SH3BP4: variants seen among roughly 807,000 people sequenced by gnomAD.
SH3BP4 encodes the protein SH3 domain-binding protein 4.
A neutral mutation model predicts 65.5 loss-of-function variants in SH3BP4; 33 were observed. The observed-to-expected ratio is 0.50, with a 90% confidence interval of 0.38 to 0.67. The LOEUF (loss-of-function observed/expected upper bound fraction) is 0.67. Among genes scored for constraint, SH3BP4 ranks in the 30% least tolerant of loss-of-function variants. The pLI is 0.00. For missense variants in SH3BP4, 1,134 were observed against 1,261.4 expected (o/e 0.90, Z 1.53); for synonymous variants, 552 against 545.5 (o/e 1.01, Z -0.17).
chr2:235,035,590 G>A lies in SH3BP4; in HGVS notation c.118+470G>A, dbSNP rs1341954294. Among the ~76,000 whole-genome samples the A allele has an allele frequency of 6.6e-6, 1 of 152,234 alleles. No homozygotes were observed. The highest frequency in any genetic ancestry group is 2.4e-5 in the African/African-American group (1 of 41,458). ...TTCATTGCTGCCTCGTTGCATGAAA[G>A]CATCCATGAAGTTAAGTCATTAAAT... On this transcript the variant is annotated intron_variant, in intron 3 of 5. Coordinates refer to ENST00000392011, the MANE Select transcript of SH3BP4 (RefSeq NM_014521.3). This position sits in a 1 kb window ranked among gnomAD's most constrained non-coding sequence, Gnocchi z 5.0.
intron 1 of SH3BP4, among the ~76,000 whole-genome samples, chr2:234,960,266 T>C (rs1215272022): frequency 1.3e-5 from 2 of 151,392 alleles, no homozygotes; most frequent in Non-Finnish European, 2.9e-5. Flanking sequence ...TGGTCTCACG[T>C]TTCCTTACCC....
At position 234,976,945 on chromosome 2, in the gene SH3BP4, GA is replaced by G. The variant is rs2106251902; in HGVS notation, c.-206-18357del. On this transcript the variant is annotated intron_variant, in intron 1 of 5. Coordinates refer to ENST00000392011, the MANE Select transcript of SH3BP4 (RefSeq NM_014521.3). This position sits in a 1 kb window ranked among gnomAD's most constrained non-coding sequence, Gnocchi z 4.7. ...AAGGACCTCAGGGACAAACATAGGAGACCCGGATGAAGGACAGGCTTTATTG... is the reference window on the plus strand; with the variant it reads ...AAGGACCTCAGGGACAAACATAGGAGCCCGGATGAAGGACAGGCTTTATTG... 6.6e-6 allele frequency among the ~76,000 whole-genome samples: 1 copy of G among 152,312 alleles called. No homozygotes were observed. The highest frequency in any genetic ancestry group is 6.5e-5 in the Admixed American group (1 of 15,304).
Position 235,041,369 on chromosome 2 carries a change from C to G in SH3BP4, c.600C>G (p.Ser200=), listed in dbSNP as rs752763197. 6.2e-6 allele frequency: 10 copies of G among 1,614,094 alleles called. No homozygotes were observed. The Admixed American group carries it at 1.5e-4, about 24-fold the overall frequency. ...TGCTCCTTTTTGACGCAGGTACATC[C>G]TCCTTCACCGAATCCAGCTCAGCCA... ...VDLLLFDAGT[S]SFTESSSATT... Residue 200 remains serine (S), a synonymous_variant, in exon 4 of 6, where the codon TCC becomes TCG. Coordinates refer to ENST00000392011, the MANE Select transcript of SH3BP4 (RefSeq NM_014521.3). This position sits in a 1 kb window ranked among gnomAD's most constrained non-coding sequence, Gnocchi z 6.0.
At chr2:235,013,545 G>T (rs1428211079) in intron 2 of SH3BP4, among the ~76,000 whole-genome samples, 1 of 152,168 alleles carries the variant, frequency 6.6e-6, no homozygotes, top group Admixed American at 6.5e-5. Flanking sequence ...TGCATATACC[G>T]CTGCAGACGA....
intron 2 of SH3BP4, among the ~76,000 whole-genome samples, chr2:235,003,115 G>A (rs1694184384): frequency 6.6e-6 from 1 of 152,274 alleles, no homozygotes; most frequent in African/African-American, 2.4e-5. Flanking sequence ...AAATCTTCAA[G>A]CTATCACACG....
At chr2:235,036,301 C>G (rs1213077005) in intron 3 of SH3BP4, among the ~76,000 whole-genome samples, 2 of 152,192 alleles carry the variant, frequency 1.3e-5, no homozygotes, top group Non-Finnish European at 1.5e-5. Context: ...CCATAAATAA[C>G]TGAAGCATTT....
chr2:235,010,748 CAACCCTTCCTCCCTCTCCTAGGAG>C (rs1694455945), intron 2 of SH3BP4, among the ~76,000 whole-genome samples: 1 of 128,824 alleles, frequency 7.8e-6, no homozygotes, highest in Non-Finnish European at 1.6e-5. Context: ...TCTCCAAGGA[CAACCCTTCCTCCCTCTCCTAGGAG>C]AACCCTTCCT....
intron 2 of SH3BP4, among the ~76,000 whole-genome samples, chr2:235,000,366 C>G (rs942015814): frequency 6.6e-6 from 1 of 152,204 alleles, no homozygotes; most frequent in Non-Finnish European, 1.5e-5. Flanking sequence ...GGGGGGTTGC[C>G]CCTGTGCCTG....
chr2:235,024,928 A>C (rs961193097), intron 2 of SH3BP4, among the ~76,000 whole-genome samples: 1 of 152,074 alleles, frequency 6.6e-6, no homozygotes, highest in Non-Finnish European at 1.5e-5. Flanking sequence ...CCCTCTGGCC[A>C]GCCCCAGTCA....
chr2:234,970,297 G>T (rs1692960141), intron 1 of SH3BP4, among the ~76,000 whole-genome samples: 1 of 152,182 alleles, frequency 6.6e-6, no homozygotes, highest in Admixed American at 6.5e-5. Flanking sequence ...TGTAAACCTT[G>T]GCGGGACTTC....
chr2:235,036,868 A>G (rs1291038612), intron 3 of SH3BP4, among the ~76,000 whole-genome samples: 1 of 152,058 alleles, frequency 6.6e-6, no homozygotes, highest in Non-Finnish European at 1.5e-5. Flanking sequence ...AGCCTCAAAC[A>G]TGAAGGGGAG....
At position 235,030,812 on chromosome 2, in the gene SH3BP4, G is replaced by A. The variant is rs1351455840; in HGVS notation, c.-132-4059G>A. 1.3e-5 allele frequency among the ~76,000 whole-genome samples: 2 copies of A among 152,134 alleles called. No homozygotes were observed. Among genetic ancestry groups the A allele is most frequent in the Non-Finnish European group, 1.5e-5 (1 of 68,018 alleles). On this transcript the variant is annotated intron_variant, in intron 2 of 5. Coordinates refer to ENST00000392011, the MANE Select transcript of SH3BP4 (RefSeq NM_014521.3). The surrounding 1 kb of genome is among the most constrained non-coding windows in gnomAD (Gnocchi z 4.1). ...GAGCAGAGCTTCCCTTTCAGCCCTCGGTGTGACTCCACCTGCTCAGGAAGG... is the reference window on the plus strand; with the variant it reads ...GAGCAGAGCTTCCCTTTCAGCCCTCAGTGTGACTCCACCTGCTCAGGAAGG...
chr2:234,967,294 GT>G lies in SH3BP4; in HGVS notation c.-207+15125del, dbSNP rs1692865786. Among the ~76,000 whole-genome samples the G allele has an allele frequency of 6.6e-6, 1 of 152,210 alleles. No homozygotes were observed. The highest frequency in any genetic ancestry group is 2.1e-4 in the South Asian group (1 of 4,830). On this transcript the variant is annotated intron_variant, in intron 1 of 5. Transcript: ENST00000392011. The surrounding 1 kb of genome is among the most constrained non-coding windows in gnomAD (Gnocchi z 4.6). ...CTGGGGAGCAGGATGGGGCTGTGTT[GT>G]GGGAGGTAGGGAACCTGAGGTCGCA...
Position 235,041,021 on chromosome 2 carries a change from C to T in SH3BP4, c.252C>T (p.Val84=), listed in dbSNP as rs757683221. Residue 84 remains valine (V), a synonymous_variant, in exon 4 of 6, where the codon GTC becomes GTT. Transcript: ENST00000392011. This position sits in a 1 kb window ranked among gnomAD's most constrained non-coding sequence, Gnocchi z 6.0. ...TCTCCAAGGGCGACCATCTCTACGT[C>T]TTGGACACATCTGGCGGTGAGTGGT... ...LKFSKGDHLY[V]LDTSGGEWWY... is the part of the protein sequence containing the mutation. The T allele has an allele frequency of 5.0e-6, 8 of 1,614,072 alleles. No individual in the cohort carries two copies. In the East Asian group the frequency reaches 1.8e-4, roughly 36 times the overall value.
At position 235,035,178 on chromosome 2, in the gene SH3BP4, G is replaced by A. The variant is rs1249607861; in HGVS notation, c.118+58G>A. 7.6e-7 allele frequency: 1 copy of A among 1,323,100 alleles called. No individual in the cohort carries two copies. The highest frequency in any genetic ancestry group is 2.3e-5 in the East Asian group (1 of 43,572). The allele number at this position is 1,323,100 out of a possible 1,614,324, so 82.0% of individuals were successfully genotyped here. ...GGAGAACGTTGGGATTTTCAAGTTG[G>A]GATCCAAGAACTTTTCTGCTTTAAA... On this transcript the variant is annotated intron_variant, in intron 3 of 5. Coordinates refer to ENST00000392011, the MANE Select transcript of SH3BP4 (RefSeq NM_014521.3). The surrounding 1 kb of genome is among the most constrained non-coding windows in gnomAD (Gnocchi z 5.0).
At chr2:234,975,103 G>A (rs1301750118) in intron 1 of SH3BP4, among the ~76,000 whole-genome samples, 1 of 152,200 alleles carries the variant, frequency 6.6e-6, no homozygotes, top group Non-Finnish European at 1.5e-5. Context: ...GTTTGGTGCC[G>A]GGATTGAGTA....
intron 1 of SH3BP4, among the ~76,000 whole-genome samples, chr2:234,987,715 C>T (rs1440620930): frequency 1.3e-5 from 2 of 152,130 alleles, no homozygotes; most frequent in Admixed American, 6.5e-5. Flanking sequence ...AAACCTTCAC[C>T]CCCCACAGCC....
chr2:235,001,070 C>T (rs1574808489), intron 2 of SH3BP4, among the ~76,000 whole-genome samples: 1 of 152,264 alleles, frequency 6.6e-6, no homozygotes, highest in Admixed American at 6.5e-5. Context: ...CTCGTCTCTG[C>T]CTCCAGTTTT....
At position 235,041,733 on chromosome 2, in the gene SH3BP4, A is replaced by C. The variant is rs754031477; in HGVS notation, c.964A>C (p.Lys322Gln). 1.2e-6 allele frequency: 2 copies of C among 1,610,948 alleles called. No homozygotes were observed. The highest frequency in any genetic ancestry group is 1.7e-6 in the Non-Finnish European group (2 of 1,178,164). Residue 322 changes from lysine (K) to glutamine (Q), a missense_variant, in exon 4 of 6, where the codon AAG (lysine) becomes CAG (glutamine). Coordinates refer to ENST00000392011, the MANE Select transcript of SH3BP4 (RefSeq NM_014521.3). The surrounding 1 kb of genome is among the most constrained non-coding windows in gnomAD (Gnocchi z 6.0). ...TQAVETNIVC[K>Q]LDSSGGAVQL... ...AGCCGTGGAGACAAACATCGTGTGCAAGCTGGATAGCTCCGGGGGTGCTGT... is the reference window on the plus strand; with the variant it reads ...AGCCGTGGAGACAAACATCGTGTGCCAGCTGGATAGCTCCGGGGGTGCTGT...
Sources: gnomAD v4.1 joint callset for allele counts (sites outside exome capture counted in the v4.1 genomes callset) on GRCh38, gnomAD v4.1.1 for gene constraint, Gnocchi (gnomAD v3.1) non-coding constraint, MANE v1.5 for transcripts, NCBI Gene and HGNC (gene_info 2026-07-23, HGNC 2026-07-21) for gene names.